ERBIN: variants seen among roughly 807,000 people sequenced by gnomAD.
The protein encoded by ERBIN is densin-180-like protein.
Under a neutral mutation model 158.4 loss-of-function variants are expected in ERBIN, and 60 were observed. That is an observed-to-expected ratio of 0.38 (90% CI 0.31 to 0.47). The LOEUF (loss-of-function observed/expected upper bound fraction) is 0.47. Among genes scored for constraint, ERBIN ranks in the 20% least tolerant of loss-of-function variants. The pLI, the probability that ERBIN is intolerant of heterozygous loss-of-function variation, is 0.99. For synonymous variants in ERBIN, 594 were observed against 557.2 expected (o/e 1.07, Z -0.93); for missense variants, 1,610 against 1,648.0 (o/e 0.98, Z 0.40).
chr5:66,017,241 C>G (rs1054097174), intron 7 of ERBIN, among the ~76,000 whole-genome samples: 1 of 152,016 alleles, frequency 6.6e-6, no homozygotes, highest in African/African-American at 2.4e-5. Context: ...TGTGATAGTT[C>G]TATTTTTAAT....
At chr5:66,065,012 T>C (rs184865252) in intron 21 of ERBIN, among the ~76,000 whole-genome samples, 5 of 152,328 alleles carry the variant, frequency 3.3e-5, no homozygotes, top group African/African-American at 1.2e-4. Flanking sequence ...ATCAATATTT[T>C]TTTAAAGTTC....
intron 4 of ERBIN, among the ~76,000 whole-genome samples, chr5:65,995,497 T>C (rs952439401): frequency 6.6e-6 from 1 of 152,170 alleles, no homozygotes; most frequent in African/African-American, 2.4e-5. Context: ...TTCCATTGTG[T>C]ATATCATATT....
At chr5:66,025,454 T>G in intron 10 of ERBIN, 26 bp from the exon 11 acceptor site, 10 of 1,566,252 alleles carry the variant, frequency 6.4e-6, no homozygotes, top group Non-Finnish European at 7.9e-6. Context: ...AGCTGAAAAA[T>G]TGTATGTTGT....
intron 4 of ERBIN, among the ~76,000 whole-genome samples, chr5:66,007,541 T>TATA (rs1481517045): frequency 3.4e-5 from 4 of 115,986 alleles, no homozygotes; most frequent in African/African-American, 9.8e-5. Flanking sequence ...AAACTTAAAG[T>TATA]ATAATAAAAA....
At chr5:65,984,094 G>C (rs73762641) in intron 1 of ERBIN, among the ~76,000 whole-genome samples, 1 of 152,306 alleles carries the variant, frequency 6.6e-6, no homozygotes, top group Admixed American at 6.5e-5. Context: ...GGACCAGATC[G>C]TCTCCATGGA....
At chr5:66,062,966 C>T (rs932373605) in intron 21 of ERBIN, among the ~76,000 whole-genome samples, 16 of 152,246 alleles carry the variant, frequency 1.1e-4, no homozygotes, top group Non-Finnish European at 1.9e-4. Context: ...GGGTGCCTCC[C>T]AGTTAGGCTA....
At chr5:66,023,571 A>G (rs1755920528) in intron 9 of ERBIN, among the ~76,000 whole-genome samples, 1 of 152,116 alleles carries the variant, frequency 6.6e-6, no homozygotes, top group African/African-American at 2.4e-5. Context: ...TCCTTTTAAT[A>G]CTGTTGAGTG....
At chr5:65,986,948 G>A (rs1751296643) in intron 1 of ERBIN, among the ~76,000 whole-genome samples, 1 of 152,138 alleles carries the variant, frequency 6.6e-6, no homozygotes, top group Non-Finnish European at 1.5e-5. Context: ...TTATTGGCTG[G>A]TTATTAATCC....
chr5:66,046,715 G>A (rs1359007168), intron 18 of ERBIN, among the ~76,000 whole-genome samples, 177 bp downstream of exon 18: 2 of 152,058 alleles, frequency 1.3e-5, no homozygotes, highest in Non-Finnish European at 2.9e-5. Flanking sequence ...AAATTATTAT[G>A]CCCTTTGTAT....
In ERBIN at chr5:66,050,984, A is replaced by G. The variant is rs1758962476; in HGVS notation, c.2087+18A>G. The stretch of plus-strand genomic sequence containing the variant: ...AAAATCAGGTGTGTGAACCTCTTTT[A>G]CAGTTTTTTATTTATACAATAAATA... On this transcript the variant is annotated intron_variant, in intron 20 of 25. Coordinates refer to ENST00000284037, the MANE Select transcript of ERBIN (RefSeq NM_001253697.2). 2 of 1,537,464 alleles carry G rather than the reference A, an allele frequency of 1.3e-6. No homozygotes were observed. Among genetic ancestry groups the G allele is most frequent in the African/African-American group, 1.4e-5 (1 of 71,732 alleles).
chr5:66,005,991 A>G (rs1472256128), intron 4 of ERBIN, among the ~76,000 whole-genome samples: 1 of 152,196 alleles, frequency 6.6e-6, no homozygotes, highest in African/African-American at 2.4e-5. Flanking sequence ...TATAGATTCA[A>G]TACCATCCCC....
chr5:65,929,786 G>A (rs546053551), intron 1 of ERBIN, among the ~76,000 whole-genome samples: 5 of 151,924 alleles, frequency 3.3e-5, no homozygotes, highest in Admixed American at 6.6e-5. Flanking sequence ...GATTACAAGC[G>A]CACATCATCA....
chr5:66,035,880 G>T (rs1757344726), intron 14 of ERBIN, among the ~76,000 whole-genome samples: 1 of 152,128 alleles, frequency 6.6e-6, no homozygotes, highest in Non-Finnish European at 1.5e-5. Context: ...GCTTGCTTGA[G>T]GCCGGGAGTT....
At chr5:65,979,617 G>T (rs1485144475) in intron 1 of ERBIN, among the ~76,000 whole-genome samples, 1 of 152,114 alleles carries the variant, frequency 6.6e-6, no homozygotes, top group East Asian at 1.9e-4. Flanking sequence ...AATATATGGG[G>T]GATTGGGTAT....
chr5:66,026,075 A>G, intron 12 of ERBIN, 98 bp downstream of exon 12: 1 of 1,096,974 alleles, frequency 9.1e-7, no homozygotes, highest in East Asian at 2.8e-5. Flanking sequence ...TTTTCTTTCT[A>G]AAATAGTTTT....
chr5:65,932,424 G>A (rs774660696), intron 1 of ERBIN, among the ~76,000 whole-genome samples: 5 of 151,864 alleles, frequency 3.3e-5, no homozygotes, highest in Admixed American at 6.6e-5. Context: ...TCTTGTAAAG[G>A]TGTTAGCTGT....
intron 6 of ERBIN, among the ~76,000 whole-genome samples, chr5:66,014,078 A>G (rs1754477027): frequency 6.6e-6 from 1 of 152,184 alleles, no homozygotes. Context: ...AGATGAATGT[A>G]TAATAGATAT....
chr5:66,036,012 C>T (rs1207258485), intron 14 of ERBIN, among the ~76,000 whole-genome samples: 1 of 152,004 alleles, frequency 6.6e-6, no homozygotes, highest in East Asian at 1.9e-4. Flanking sequence ...TTGCTTGAGC[C>T]CAGAAGTTCT....
intron 1 of ERBIN, among the ~76,000 whole-genome samples, chr5:65,945,613 A>G (rs1252476704): frequency 6.6e-6 from 1 of 152,188 alleles, no homozygotes; most frequent in East Asian, 1.9e-4. Context: ...CTGCTTAGCC[A>G]TTCAATTTAA....
Sources: allele counts gnomAD v4.1 joint callset (sites outside exome capture counted in the v4.1 genomes callset), GRCh38; gene constraint gnomAD v4.1.1; transcripts MANE v1.5; gene names NCBI Gene and HGNC (gene_info 2026-07-23, HGNC 2026-07-21).